The following UBE4B variants were observed in gnomAD, a reference collection of about 807,000 sequenced individuals.
UBE4B encodes the protein ubiquitination factor E4B, also known as ubiquitin conjugation factor E4 B.
UBE4B carries 27 observed loss-of-function variants against 148.1 expected under a neutral mutation model. The observed-to-expected ratio is 0.18, with a 90% CI of 0.13 to 0.25. The LOEUF is 0.25. Among genes scored for constraint, UBE4B ranks in the 10% least tolerant of loss-of-function variants. UBE4B has a pLI of 1.00. For missense variants in UBE4B, 1,170 were observed against 1,662.4 expected, an observed-to-expected ratio of 0.70 and a Z score of 5.15; for synonymous variants, 596 against 619.3, an observed-to-expected ratio of 0.96 and a Z score of 0.56.
chr1:10,051,736 T>G (rs544438667), intron 1 of UBE4B, among the ~76,000 whole-genome samples: 1 of 152,240 alleles, frequency 6.6e-6, no homozygotes, highest in Admixed American at 6.5e-5. Flanking sequence ...AGAAATGTTC[T>G]GCATATCAGG....
chr1:10,140,445 A>G (rs1645765674), intron 17 of UBE4B, among the ~76,000 whole-genome samples: 1 of 152,244 alleles, frequency 6.6e-6, no homozygotes, highest in Admixed American at 6.5e-5. Context: ...TATATTATTT[A>G]GGTCAAGTTT....
At chr1:10,140,332 T>A (rs1645764656) in intron 17 of UBE4B, among the ~76,000 whole-genome samples, 1 of 152,232 alleles carries the variant, frequency 6.6e-6, no homozygotes, top group Non-Finnish European at 1.5e-5. Context: ...ATATATTTTA[T>A]GTGATTTGTG....
At chr1:10,176,301 A>G (rs1286582194) in intron 25 of UBE4B, among the ~76,000 whole-genome samples, 1 of 152,232 alleles carries the variant, frequency 6.6e-6, no homozygotes, top group Non-Finnish European at 1.5e-5. Context: ...TAGTGCTGCT[A>G]TGAACATTTG....
chr1:10,153,482 CCT>C (rs1646012052), intron 21 of UBE4B, among the ~76,000 whole-genome samples: 1 of 133,750 alleles, frequency 7.5e-6, no homozygotes, highest in Non-Finnish European at 1.5e-5. Flanking sequence ...AAAGCAAGAC[CCT>C]GTTTCTAAAA....
At chr1:10,053,948 A>G (rs547855805) in intron 1 of UBE4B, among the ~76,000 whole-genome samples, 3 of 152,126 alleles carry the variant, frequency 2.0e-5, no homozygotes, top group Non-Finnish European at 4.4e-5. Context: ...TGGCCTCCCA[A>G]AGTGCTGGGA....
At chr1:10,166,970 C>CAAAA (rs796133568) in intron 23 of UBE4B, among the ~76,000 whole-genome samples, 2 of 133,186 alleles carry the variant, frequency 1.5e-5, no homozygotes, top group African/African-American at 2.9e-5. Flanking sequence ...CACACACACA[C>CAAAA]AAAAAAAAAA....
chr1:10,063,991 C>T (rs984476018), intron 1 of UBE4B, among the ~76,000 whole-genome samples: 3 of 151,932 alleles, frequency 2.0e-5, no homozygotes, highest in East Asian at 1.9e-4. Flanking sequence ...CTTGCCTTCA[C>T]GAACAAGTTC....
rs954245106 is a variant in UBE4B at position 10,106,021 on chromosome 1, G to A, written c.810-176G>A. On this transcript the variant is annotated intron_variant, in intron 6 of 27. Transcript: ENST00000343090. The surrounding 1 kb of genome is among the most constrained non-coding windows in gnomAD (Gnocchi z 4.2). The stretch of plus-strand genomic sequence containing the variant: ...GAATGGGGACTTTATCGTCTTGTAA[G>A]TATAGCCTCTAGATCAATAGGGCAA... Among the ~76,000 whole-genome samples the A allele has an allele frequency of 7.2e-5, 11 of 152,120 alleles. No homozygotes were observed. The highest frequency in any genetic ancestry group is 1.5e-4 in the Non-Finnish European group (10 of 68,028).
chr1:10,046,894 A>G (rs1342654554), intron 1 of UBE4B, among the ~76,000 whole-genome samples: 3 of 152,148 alleles, frequency 2.0e-5, no homozygotes, highest in African/African-American at 7.2e-5. Context: ...TCATCTTTGC[A>G]TGCGAATTGG....
intron 1 of UBE4B, among the ~76,000 whole-genome samples, chr1:10,070,179 C>G (rs1245886728): frequency 6.6e-6 from 1 of 151,218 alleles, no homozygotes; most frequent in Non-Finnish European, 1.5e-5. Context: ...GAGGCTGAGA[C>G]AGGAGAATCG....
intron 18 of UBE4B, 137 bp downstream of exon 18, chr1:10,145,176 ATT>A: frequency 1.6e-6 from 1 of 606,438 alleles, no homozygotes; most frequent in Non-Finnish European, 2.8e-6. Context: ...AAAATAGTAT[ATT>A]TTAAAACTTG....
intron 1 of UBE4B, among the ~76,000 whole-genome samples, chr1:10,035,657 C>T (rs1337220432): frequency 6.6e-6 from 1 of 150,776 alleles, no homozygotes; most frequent in Non-Finnish European, 1.5e-5. Context: ...CTGCCCGCCT[C>T]GGCCTCCCAA....
rs754372556 is a variant in UBE4B, at chr1:10,117,448, C to A, written c.1197-11C>A. ...GATAAGAATCAGAATTTCTTCTTGT[C>A]TTCTCTGAAGTTTGGGAGCCTCTGG... On this transcript the variant is annotated splice_polypyrimidine_tract_variant and intron_variant, in intron 7 of 27. Transcript: ENST00000343090. 3 of 1,604,354 alleles carry A rather than the reference C, an allele frequency of 1.9e-6. No individual in the cohort carries two copies. The highest frequency in any genetic ancestry group is 2.5e-6 in the Non-Finnish European group (3 of 1,177,694).
intron 3 of UBE4B, among the ~76,000 whole-genome samples, chr1:10,099,349 AAGTT>A (rs767919109): frequency 6.6e-6 from 1 of 152,226 alleles, no homozygotes; most frequent in Non-Finnish European, 1.5e-5. Flanking sequence ...CAGCAACAAA[AAGTT>A]AGAAAACGTA....
chr1:10,095,007 A>G (rs748699738), intron 2 of UBE4B, among the ~76,000 whole-genome samples: 1 of 152,028 alleles, frequency 6.6e-6, no homozygotes, highest in Non-Finnish European at 1.5e-5. Flanking sequence ...TTGAACTCCA[A>G]ACCTCAGGTG....
intron 1 of UBE4B, among the ~76,000 whole-genome samples, chr1:10,045,321 G>A (rs191138065): frequency 1.4e-3 from 209 of 152,296 alleles, no homozygotes; most frequent in Non-Finnish European, 2.4e-3. Context: ...GTCACATTTT[G>A]TAACTGAACA....
chr1:10,137,154 C>T lies in UBE4B; in HGVS notation c.2312C>T (p.Pro771Leu), dbSNP rs767351956. The stretch of plus-strand genomic sequence containing the variant: ...CATGCTCACCACCTCTCTATTCTGC[C>T]TAGTTGCCGTCGCTATATCCGCAGA... ...TLHAHHLSIL[P>L]SCRRYIRRLR... Residue 771 changes from proline to leucine, a missense_variant, in exon 17 of 28, where the codon CCT becomes CTT. Pro to Leu is a moderately conservative substitution (Grantham distance 98). Around this residue, in one of 6 missense-constraint regions of UBE4B, gnomAD observed 388 missense variants for 536.0 expected, o/e 0.72. Transcript: ENST00000343090. 6.2e-7 allele frequency: 1 copy of T among 1,614,110 alleles called. No individual in the cohort carries two copies. Among genetic ancestry groups the T allele is most frequent in the East Asian group, 2.2e-5 (1 of 44,878 alleles).
At chr1:10,040,614 CTTT>C (rs1178552874) in intron 1 of UBE4B, among the ~76,000 whole-genome samples, 3 of 149,310 alleles carry the variant, frequency 2.0e-5, no homozygotes, top group Non-Finnish European at 4.4e-5. Flanking sequence ...TTTCTTTCTT[CTTT>C]TTTCTTTTTT....
intron 3 of UBE4B, among the ~76,000 whole-genome samples, chr1:10,097,950 A>G (rs1005247288): frequency 6.6e-6 from 1 of 151,908 alleles, no homozygotes; most frequent in African/African-American, 2.4e-5. Context: ...GGCTCACTGC[A>G]ACCTCCGCCT....
Sources: allele counts gnomAD v4.1 joint callset (sites outside exome capture counted in the v4.1 genomes callset), GRCh38; gene constraint gnomAD v4.1.1; regional missense constraint gnomAD v4.1.1; non-coding constraint Gnocchi (gnomAD v3.1); transcripts MANE v1.5; gene names NCBI Gene and HGNC (gene_info 2026-07-23, HGNC 2026-07-21).